The following PTPRD variants were observed in gnomAD, a reference collection of about 807,000 sequenced individuals.
PTPRD encodes the protein protein tyrosine phosphatase receptor type D, also known as receptor-type tyrosine-protein phosphatase delta.
PTPRD carries 34 observed loss-of-function variants against 214.5 expected under a neutral mutation model. The observed-to-expected ratio is 0.16, with a 90% confidence interval of 0.12 to 0.21. The LOEUF (loss-of-function observed/expected upper bound fraction) is 0.21. Ranked by LOEUF, PTPRD falls within the 10% of genes least tolerant of loss-of-function variation. The probability of loss-of-function intolerance (pLI) is 1.00; values close to 1 mark genes in which losing one functional copy is unlikely to be tolerated. For synonymous variants in PTPRD, 1,128 were observed against 845.7 expected (o/e 1.33, Z -5.79); for missense variants, 2,545 against 2,398.7 (o/e 1.06, Z -1.27).
At chr9:10,527,160 G>T (rs2054554795) in intron 2 of PTPRD, among the ~76,000 whole-genome samples, 1 of 152,106 alleles carries the variant, frequency 6.6e-6, no homozygotes. Context: ...CAGAAACTAA[G>T]AATAAACAAT....
chr9:9,233,100 G>T (rs1470520682), intron 9 of PTPRD, among the ~76,000 whole-genome samples: 2 of 152,070 alleles, frequency 1.3e-5, no homozygotes, highest in Non-Finnish European at 1.5e-5. Flanking sequence ...TTGTTCCCAT[G>T]CTGCTATGAA....
intron 37 of PTPRD, among the ~76,000 whole-genome samples, chr9:8,387,572 C>T (rs1181217487): frequency 6.6e-6 from 1 of 152,114 alleles, no homozygotes; most frequent in Non-Finnish European, 1.5e-5. Context: ...ACATGCATGC[C>T]GTAATATAAT....
At chr9:8,341,551 A>G in intron 40 of PTPRD, 142 bp downstream of exon 40, 1 of 1,010,112 alleles carries the variant, frequency 9.9e-7, no homozygotes, top group Admixed American at 2.4e-5. Context: ...GGGGAGGAAT[A>G]CATTTTATAA....
At chr9:8,514,559 A>G (rs1177836365) in intron 21 of PTPRD, among the ~76,000 whole-genome samples, 1 of 146,364 alleles carries the variant, frequency 6.8e-6, no homozygotes, top group Non-Finnish European at 1.5e-5. Context: ...AAATGTTTTC[A>G]TGTACTTCTG....
At chr9:9,946,258 A>AAAATAGGT (rs2092540918) in intron 4 of PTPRD, among the ~76,000 whole-genome samples, 1 of 152,152 alleles carries the variant, frequency 6.6e-6, no homozygotes, top group Non-Finnish European at 1.5e-5. Context: ...AAATACCTAG[A>AAAATAGGT]AAATAGGTGG....
intron 3 of PTPRD, among the ~76,000 whole-genome samples, chr9:10,162,111 G>C (rs997920628): frequency 7.3e-5 from 11 of 151,566 alleles, no homozygotes; most frequent in Admixed American, 5.3e-4. Flanking sequence ...AATTAGTATA[G>C]CCACTGTGGA....
intron 14 of PTPRD, among the ~76,000 whole-genome samples, chr9:8,538,250 T>A (rs1215453225): frequency 2.6e-5 from 4 of 152,008 alleles, no homozygotes; most frequent in African/African-American, 9.7e-5. Context: ...AATTAACCAC[T>A]TTACCGAAAT....
At chr9:10,083,448 C>A (rs1195996448) in intron 3 of PTPRD, among the ~76,000 whole-genome samples, 1 of 152,114 alleles carries the variant, frequency 6.6e-6, no homozygotes, top group East Asian at 1.9e-4. Flanking sequence ...AATAGATATA[C>A]TTCTGAATCA....
chr9:8,876,337 C>G (rs572353084), intron 11 of PTPRD, among the ~76,000 whole-genome samples: 2 of 152,134 alleles, frequency 1.3e-5, no homozygotes, highest in South Asian at 4.2e-4. Flanking sequence ...GTCATCAAAC[C>G]AAATAAGCTG....
intron 8 of PTPRD, among the ~76,000 whole-genome samples, chr9:9,444,431 G>A (rs2089615682): frequency 6.6e-6 from 1 of 152,080 alleles, no homozygotes; most frequent in African/African-American, 2.4e-5. Flanking sequence ...CAGACCCAAA[G>A]GACTAGAACT....
chr9:9,858,745 T>C (rs540699491), intron 5 of PTPRD, among the ~76,000 whole-genome samples: 6 of 152,236 alleles, frequency 3.9e-5, no homozygotes, highest in Non-Finnish European at 7.4e-5. Flanking sequence ...ATTTTACAGA[T>C]AGAGAAAATA....
intron 9 of PTPRD, among the ~76,000 whole-genome samples, chr9:9,347,878 A>C (rs2049468977): frequency 6.6e-6 from 1 of 152,164 alleles, no homozygotes; most frequent in Non-Finnish European, 1.5e-5. Flanking sequence ...CACACAGCTC[A>C]TTACCACTGC....
At position 8,436,603 on chromosome 9, in the gene PTPRD, G is replaced by T; in HGVS notation, c.4075C>A (p.Gln1359Lys). The change falls in exon 35 of 46, where the codon CAG becomes AAG. Residue 1359 changes from glutamine (Q) to lysine (K), a missense_variant. Coordinates refer to ENST00000381196, the MANE Select transcript of PTPRD (RefSeq NM_002839.4). Reference protein sequence around the residue: ...LKANDNLKFSQEYESIDPGQQ... With the variant: ...LKANDNLKFSKEYESIDPGQQ... Reference sequence around the variant, plus strand: ...ACACAGTGAATTACCTCATATTCCTGGGAAAACTTCAAGTTGTCATTTGCT... The same window carrying T: ...ACACAGTGAATTACCTCATATTCCTTGGAAAACTTCAAGTTGTCATTTGCT... 6.2e-7 allele frequency: 1 copy of T among 1,611,098 alleles called. No homozygotes were observed. The highest frequency in any genetic ancestry group is 2.2e-5 in the East Asian group (1 of 44,768).
At chr9:9,022,894 T>A (rs977482176) in intron 10 of PTPRD, among the ~76,000 whole-genome samples, 1 of 152,130 alleles carries the variant, frequency 6.6e-6, no homozygotes, top group East Asian at 1.9e-4. Flanking sequence ...TTATAGTGTA[T>A]TATTATAGAA....
intron 36 of PTPRD, among the ~76,000 whole-genome samples, chr9:8,403,172 A>C (rs2092616478): frequency 6.6e-6 from 1 of 152,208 alleles, no homozygotes; most frequent in African/African-American, 2.4e-5. Context: ...GGAAGCAGGT[A>C]GGAGATGTGG....
At chr9:8,831,980 C>A (rs1176797285) in intron 11 of PTPRD, among the ~76,000 whole-genome samples, 2 of 151,692 alleles carry the variant, frequency 1.3e-5, no homozygotes, top group Non-Finnish European at 2.9e-5. Context: ...TAGTAGTGTC[C>A]AGGAAAATTA....
At chr9:9,376,032 C>T (rs956628901) in intron 9 of PTPRD, among the ~76,000 whole-genome samples, 1 of 151,992 alleles carries the variant, frequency 6.6e-6, no homozygotes, top group Non-Finnish European at 1.5e-5. Flanking sequence ...AGTGTTAAGA[C>T]ATTTTCATAA....
intron 11 of PTPRD, among the ~76,000 whole-genome samples, chr9:8,951,278 A>G (rs2154305196): frequency 6.7e-6 from 1 of 150,044 alleles, no homozygotes; most frequent in South Asian, 2.1e-4. Flanking sequence ...TTTTCTTACC[A>G]CATGGACCAC....
At chr9:9,078,624 G>A (rs377580326) in intron 10 of PTPRD, among the ~76,000 whole-genome samples, 1 of 151,418 alleles carries the variant, frequency 6.6e-6, no homozygotes, top group Non-Finnish European at 1.5e-5. Context: ...CAGTCTCTGG[G>A]AAAGGAGTTG....
Sources: gnomAD v4.1 joint callset for allele counts (sites outside exome capture counted in the v4.1 genomes callset) on GRCh38, gnomAD v4.1.1 for gene constraint, MANE v1.5 for transcripts, NCBI Gene and HGNC (gene_info 2026-07-23, HGNC 2026-07-21) for gene names.